ITGA1: variants seen among roughly 807,000 people sequenced by gnomAD.
The protein encoded by ITGA1 is integrin subunit alpha 1.
ITGA1 carries 85 observed loss-of-function variants against 145.9 expected under a neutral mutation model. That is an observed-to-expected ratio of 0.58 (90% CI 0.49 to 0.70). The LOEUF is 0.70. ITGA1 is among the 30% of genes least tolerant of loss of function. The pLI, the probability that ITGA1 is intolerant of heterozygous loss-of-function variation, is 0.00. For missense variants in ITGA1, 1,351 were observed against 1,418.7 expected, an observed-to-expected ratio of 0.95 and a Z score of 0.77; for synonymous variants, 520 against 495.3, an observed-to-expected ratio of 1.05 and a Z score of -0.66.
intron 7 of ITGA1, 39 bp downstream of exon 7, chr5:52,882,060 A>G: frequency 6.8e-7 from 1 of 1,478,650 alleles, no homozygotes. Flanking sequence ...AAAAGACTGC[A>G]AAAATAACTG....
At chr5:52,805,265 A>T (rs1385827024) in intron 1 of ITGA1, among the ~76,000 whole-genome samples, 2 of 152,176 alleles carry the variant, frequency 1.3e-5, no homozygotes, top group Admixed American at 1.3e-4. Flanking sequence ...AGGAGAAACA[A>T]TTACAAAGCT....
chr5:52,862,231 A>G lies in ITGA1; in HGVS notation c.295+672A>G, dbSNP rs531821372. On this transcript the variant is annotated intron_variant, in intron 3 of 28. Transcript: ENST00000282588. ...AAAACTCCATCTCAAAAAAAAAAAA[A>G]AAAAGAAAAGAAAAAAAACAGATTT... Among the ~76,000 whole-genome samples the G allele has an allele frequency of 2.8e-4, 43 of 151,920 alleles. No individual in the cohort carries two copies. In the East Asian group the frequency reaches 7.0e-3, roughly 25 times the overall value.
At chr5:52,915,861 T>G (rs1561248439) in intron 15 of ITGA1, among the ~76,000 whole-genome samples, 1 of 152,168 alleles carries the variant, frequency 6.6e-6, no homozygotes, top group Non-Finnish European at 1.5e-5. Flanking sequence ...AGGAGAGGTA[T>G]AGGGGAAGAG....
Position 52,907,012 on chromosome 5 carries a change from A to AT in ITGA1, c.1455+1104_1455+1105insT, listed in dbSNP as rs1356372131. 7.2e-5 allele frequency among the ~76,000 whole-genome samples: 11 copies of AT among 152,318 alleles called. No individual in the cohort carries two copies. In the East Asian group the frequency reaches 1.9e-3, roughly 27 times the overall value. On this transcript the variant is annotated intron_variant, in intron 12 of 28. Transcript: ENST00000282588. ...GAGTAACTGCACTCTGGGAAGTCAA[A>AT]AATATGTCATCTTCATCAGGTACTT... is the stretch of plus-strand genomic sequence containing the variant.
At position 52,954,750 on chromosome 5, in the gene ITGA1, ATTCATCTAGT is replaced by A. The variant is rs1244728625; in HGVS notation, c.*2305_*2314del. 2 of 152,134 alleles carry A rather than the reference ATTCATCTAGT, an allele frequency of 1.3e-5. No individual in the cohort carries two copies. The highest frequency in any genetic ancestry group is 2.9e-5 in the Non-Finnish European group (2 of 68,012). 9.4% of individuals were successfully genotyped at this position (152,134 alleles called of 1,614,324 possible). ...AAGCTATATCTGCAAGACAAGTTTGATTCATCTAGTTTCATATAGTTTCATATAGTTTCAT... is the reference window on the plus strand; with the variant it reads ...AAGCTATATCTGCAAGACAAGTTTGATTCATATAGTTTCATATAGTTTCAT... On this transcript the variant is annotated 3_prime_UTR_variant, in exon 29 of 29. Transcript: ENST00000282588.
intron 7 of ITGA1, among the ~76,000 whole-genome samples, chr5:52,885,175 G>T (rs1349651581): frequency 6.6e-6 from 1 of 152,154 alleles, no homozygotes; most frequent in Non-Finnish European, 1.5e-5. Flanking sequence ...CACCTGTTCA[G>T]CAACCTGGAA....
In ITGA1 at chr5:52,958,513, A is replaced by C. The variant is rs934218621; in HGVS notation, c.*6062A>C. 2 of 152,290 alleles carry C rather than the reference A, an allele frequency of 1.3e-5. No homozygotes were observed. The highest frequency in any genetic ancestry group is 4.8e-5 in the African/African-American group (2 of 41,554). 9.4% of individuals were successfully genotyped at this position (152,290 alleles called of 1,614,324 possible). On this transcript the variant is annotated 3_prime_UTR_variant, in exon 29 of 29. Transcript: ENST00000282588. ...CATCTCAGACCCTCTTCACTCTAGAACCGTTTTATACAAGAGAACTCAACA... is the reference window on the plus strand; with the variant it reads ...CATCTCAGACCCTCTTCACTCTAGACCCGTTTTATACAAGAGAACTCAACA...
At chr5:52,942,631 C>T (rs1259180126) in intron 26 of ITGA1, among the ~76,000 whole-genome samples, 6 of 151,170 alleles carry the variant, frequency 4.0e-5, no homozygotes, top group East Asian at 3.9e-4. Flanking sequence ...CCCGGGTTCA[C>T]GCCATTCTCT....
At position 52,788,357 on chromosome 5, in the gene ITGA1, G is replaced by T. The variant is rs901051081; in HGVS notation, c.4G>T (p.Ala2Ser). Reference sequence around the variant, plus strand: ...TGGCGCTGAGGCTGCTCCGGCCATGGCCCCTCGGCCCCGCGCCCGCCCAGG... The same window carrying T: ...TGGCGCTGAGGCTGCTCCGGCCATGTCCCCTCGGCCCCGCGCCCGCCCAGG... MAPRPRARPGVA... is the reference protein window; with the variant it reads MSPRPRARPGVA... The change falls in exon 1 of 29, where the codon GCC becomes TCC. Residue 2 changes from alanine to serine, a missense_variant. Coordinates refer to ENST00000282588, the MANE Select transcript of ITGA1 (RefSeq NM_181501.2). 6.6e-6 allele frequency: 10 copies of T among 1,508,710 alleles called. No homozygotes were observed. In the Admixed American group the frequency reaches 8.4e-5, roughly 13 times the overall value. 93.5% of individuals were successfully genotyped at this position (1,508,710 alleles called of 1,614,324 possible).
chr5:52,890,445 G>T (rs537362815), intron 8 of ITGA1, among the ~76,000 whole-genome samples: 2 of 152,228 alleles, frequency 1.3e-5, no homozygotes, highest in East Asian at 3.9e-4. Context: ...GAAATGCAAG[G>T]TTTCAGTGTG....
intron 6 of ITGA1, among the ~76,000 whole-genome samples, chr5:52,879,274 G>A (rs988815259): frequency 6.6e-6 from 1 of 151,866 alleles, no homozygotes; most frequent in Non-Finnish European, 1.5e-5. Flanking sequence ...AACAGGAGTA[G>A]GAGGGAAAAT....
intron 2 of ITGA1, among the ~76,000 whole-genome samples, chr5:52,853,695 T>G (rs10513001): frequency 0.29 from 44,431 of 152,082 alleles, 7,001 homozygotes; most frequent in South Asian, 0.41. Flanking sequence ...TTATATCTTT[T>G]GCTCAGAAGC....
At chr5:52,801,896 T>A (rs537309150) in intron 1 of ITGA1, 2 of 1,317,438 alleles carry the variant, frequency 1.5e-6, no homozygotes, top group Non-Finnish European at 1.0e-6. Flanking sequence ...TACAGTACAT[T>A]TCTCAGCATC....
At chr5:52,921,905 G>A (rs1246175116) in intron 17 of ITGA1, among the ~76,000 whole-genome samples, 1 of 152,106 alleles carries the variant, frequency 6.6e-6, no homozygotes, top group Non-Finnish European at 1.5e-5. Context: ...TTGCAATAAT[G>A]TATATAAAGC....
intron 9 of ITGA1, among the ~76,000 whole-genome samples, chr5:52,896,133 A>G (rs2111827726): frequency 6.6e-6 from 1 of 152,288 alleles, no homozygotes; most frequent in South Asian, 2.1e-4. Context: ...GGCTGGCCCA[A>G]ACACCCATGA....
intron 14 of ITGA1, among the ~76,000 whole-genome samples, chr5:52,911,364 T>C (rs1490264307): frequency 7.4e-6 from 1 of 134,998 alleles, no homozygotes. Context: ...ATATATAGTG[T>C]ATATAGTGAG....
At position 52,954,704 on chromosome 5, in the gene ITGA1, G is replaced by A. The variant is rs1204112494; in HGVS notation, c.*2253G>A. ...TAGCTCTATAACACCAAAAAACAGAGTTTACAGAAAATAAACACAAAAGCT... is the reference window on the plus strand; with the variant it reads ...TAGCTCTATAACACCAAAAAACAGAATTTACAGAAAATAAACACAAAAGCT... On this transcript the variant is annotated 3_prime_UTR_variant, in exon 29 of 29. Coordinates refer to ENST00000282588, the MANE Select transcript of ITGA1 (RefSeq NM_181501.2). The A allele has an allele frequency of 6.6e-6, 1 of 151,898 alleles. No homozygotes were observed. Among genetic ancestry groups the A allele is most frequent in the Non-Finnish European group, 1.5e-5 (1 of 67,988 alleles). The allele number at this position is 151,898 out of a possible 1,614,324, so 9.4% of individuals were successfully genotyped here. A position where few individuals can be genotyped will look rare whatever the true frequency, so the allele number is the denominator to read the frequency against.
intron 15 of ITGA1, among the ~76,000 whole-genome samples, chr5:52,916,399 A>G (rs1750648785): frequency 6.6e-6 from 1 of 152,186 alleles, no homozygotes; most frequent in African/African-American, 2.4e-5. Flanking sequence ...TCCTAAATTA[A>G]TGCATTGGTT....
intron 7 of ITGA1, among the ~76,000 whole-genome samples, chr5:52,885,396 C>T (rs1490545013): frequency 6.6e-6 from 1 of 152,038 alleles, no homozygotes; most frequent in Non-Finnish European, 1.5e-5. Flanking sequence ...AAAAGATACT[C>T]CTATCACCTA....
Sources: gnomAD v4.1 joint callset for allele counts (sites outside exome capture counted in the v4.1 genomes callset) on GRCh38, gnomAD v4.1.1 for gene constraint, MANE v1.5 for transcripts, NCBI Gene and HGNC (gene_info 2026-07-23, HGNC 2026-07-21) for gene names.